The following TRPM3 variants were observed in gnomAD, a reference collection of about 807,000 sequenced individuals.
The protein encoded by TRPM3 is transient receptor potential cation channel subfamily M member 3.
Under a neutral mutation model 181.2 loss-of-function variants are expected in TRPM3, and 77 were observed. The observed-to-expected ratio is 0.42, with a 90% CI of 0.35 to 0.51. The LOEUF (loss-of-function observed/expected upper bound fraction) is 0.51, where lower values mean the gene tolerates loss of function less well. Ranked by LOEUF, TRPM3 falls within the 20% of genes least tolerant of loss-of-function variation. The pLI is 0.01. For synonymous variants in TRPM3, 745 were observed against 796.4 expected, an observed-to-expected ratio of 0.94 and a Z score of 1.09; for missense variants, 1,759 against 2,196.7, an observed-to-expected ratio of 0.80 and a Z score of 3.98.
At position 70,531,690 on chromosome 9, in the gene TRPM3, G is replaced by A. The variant is rs2040900046; in HGVS notation, c.*4263C>T. The A allele has an allele frequency of 6.6e-6, 1 of 152,126 alleles. No individual in the cohort carries two copies. Among genetic ancestry groups the A allele is most frequent in the Non-Finnish European group, 1.5e-5 (1 of 68,036 alleles). 9.4% of individuals were successfully genotyped at this position (152,126 alleles called of 1,614,324 possible). A position where few individuals can be genotyped will look rare whatever the true frequency, so the allele number is the denominator to read the frequency against. ...TGTACACTGCTTCTGCATGGGGTTG[G>A]CAGATGTAAACAGCTAATTCAACTG... On this transcript the variant is annotated 3_prime_UTR_variant, in exon 26 of 26. Transcript: ENST00000677713.
chr9:70,783,652 A>G (rs1422478381), intron 7 of TRPM3, among the ~76,000 whole-genome samples: 10 of 152,194 alleles, frequency 6.6e-5, no homozygotes, highest in Non-Finnish European at 8.8e-5. Flanking sequence ...GATCTACCAC[A>G]TATCTTCACA....
At chr9:71,072,207 A>G (rs2062857000) in intron 1 of TRPM3, among the ~76,000 whole-genome samples, 2 of 152,110 alleles carry the variant, frequency 1.3e-5, no homozygotes, top group South Asian at 4.1e-4. Context: ...CAAATTCTAC[A>G]TTTTTGAGAT....
At chr9:71,162,616 G>T (rs2076336546) in intron 1 of TRPM3, among the ~76,000 whole-genome samples, 1 of 152,042 alleles carries the variant, frequency 6.6e-6, no homozygotes, top group Non-Finnish European at 1.5e-5. Context: ...ATTGTTCAGA[G>T]AACTTATTTG....
In TRPM3 at chr9:70,862,950, C is replaced by T. The variant is rs779974864; in HGVS notation, c.420G>A (p.Gly140=). 6.2e-7 allele frequency: 1 copy of T among 1,613,586 alleles called. No homozygotes were observed. Among genetic ancestry groups the T allele is most frequent in the Non-Finnish European group, 8.5e-7 (1 of 1,179,674 alleles). The change falls in exon 3 of 26, where the codon GGG becomes GGA. Residue 140 remains glycine (G), a synonymous_variant. Transcript: ENST00000677713. ...HTQLSPTDAF[G]TIEFQGGGHS... ...GGCCACCTCCTTGGAACTCAATGGT[C>T]CCAAAAGCATCCGTAGGGCTGAGTT...
At chr9:71,090,427 T>G (rs1210012054) in intron 1 of TRPM3, among the ~76,000 whole-genome samples, 1 of 152,148 alleles carries the variant, frequency 6.6e-6, no homozygotes, top group East Asian at 1.9e-4. Flanking sequence ...CAGATGAAGT[T>G]GTTATGTCCC....
intron 1 of TRPM3, among the ~76,000 whole-genome samples, chr9:70,871,238 G>C (rs887453165): frequency 2.0e-5 from 3 of 151,822 alleles, no homozygotes; most frequent in African/African-American, 7.3e-5. Context: ...TAAATAAATT[G>C]ATTGTAGATA....
intron 1 of TRPM3, among the ~76,000 whole-genome samples, chr9:70,939,337 C>G (rs117758922): frequency 0.026 from 3,987 of 152,214 alleles, 95 homozygotes; most frequent in Non-Finnish European, 0.042. Context: ...CCCGACAGTC[C>G]CTGAAACTTC....
chr9:71,157,518 A>C (rs1332125864), intron 1 of TRPM3, among the ~76,000 whole-genome samples: 1 of 152,132 alleles, frequency 6.6e-6, no homozygotes, highest in Non-Finnish European at 1.5e-5. Flanking sequence ...GGACGAGATT[A>C]AGCCAATGGC....
At chr9:71,025,760 AAG>A (rs978981635) in intron 1 of TRPM3, among the ~76,000 whole-genome samples, 39 of 152,150 alleles carry the variant, frequency 2.6e-4, no homozygotes, top group African/African-American at 4.8e-5. Context: ...CCCTGTTCCT[AAG>A]AGCCTGCTCC....
At chr9:70,686,650 CCCTTCCTGCCTT>C (rs1454903628) in intron 8 of TRPM3, among the ~76,000 whole-genome samples, 1 of 110,498 alleles carries the variant, frequency 9.0e-6, no homozygotes, top group Non-Finnish European at 1.8e-5. Context: ...CTCCCTCTCT[CCCTTCCTGCCTT>C]CCTTCCTGGA....
chr9:71,028,298 A>G (rs1332427986), intron 1 of TRPM3, among the ~76,000 whole-genome samples: 2 of 152,220 alleles, frequency 1.3e-5, no homozygotes, highest in Non-Finnish European at 2.9e-5. Context: ...GACTTGCCGT[A>G]TAAGAGCCCC....
At chr9:70,916,906 T>C (rs1362155345) in intron 1 of TRPM3, 3 of 846,626 alleles carry the variant, frequency 3.5e-6, no homozygotes, top group African/African-American at 3.4e-5. Context: ...GGGAGGCAAG[T>C]GGTTCACTTC....
At chr9:70,662,134 C>T (rs1457348869) in intron 9 of TRPM3, among the ~76,000 whole-genome samples, 2 of 152,096 alleles carry the variant, frequency 1.3e-5, no homozygotes, top group Admixed American at 1.3e-4. Flanking sequence ...TTGGAGCCAA[C>T]TGATCTTTGA....
chr9:70,944,205 G>A (rs2096911835), intron 1 of TRPM3, among the ~76,000 whole-genome samples: 1 of 152,200 alleles, frequency 6.6e-6, no homozygotes, highest in Non-Finnish European at 1.5e-5. Flanking sequence ...GCTGGAGGTG[G>A]ATGAATGAAA....
intron 1 of TRPM3, among the ~76,000 whole-genome samples, chr9:71,154,905 T>A (rs1267129224): frequency 6.6e-6 from 1 of 152,118 alleles, no homozygotes; most frequent in Non-Finnish European, 1.5e-5. Flanking sequence ...CAGAAATACA[T>A]CTGGTATTAC....
At chr9:71,114,478 C>T (rs1478865907) in intron 1 of TRPM3, among the ~76,000 whole-genome samples, 9 of 152,096 alleles carry the variant, frequency 5.9e-5, no homozygotes, top group Non-Finnish European at 1.3e-4. Context: ...TAATATTAAG[C>T]AGCATTTAAA....
At chr9:70,689,498 C>T (rs1035660497) in intron 8 of TRPM3, among the ~76,000 whole-genome samples, 2 of 140,968 alleles carry the variant, frequency 1.4e-5, no homozygotes, top group African/African-American at 5.4e-5. Flanking sequence ...GCAACAACTA[C>T]AGTAACCATC....
Position 71,394,559 on chromosome 9 carries a change from G to A in TRPM3, c.183+52094C>T, listed in dbSNP as rs796883805. Among the ~76,000 whole-genome samples, 11 of 152,246 alleles carry A rather than the reference G, an allele frequency of 7.2e-5. 1 individual carries two copies. Among genetic ancestry groups the A allele is most frequent in the African/African-American group, 2.6e-4 (11 of 41,546 alleles). On this transcript the variant is annotated intron_variant, in intron 1 of 24. Coordinates refer to the TRPM3 transcript ENST00000357533. ...TTTCCCTGCACAGGCATATAAGTCA[G>A]CCAAAAATGACCCATTCCCAGATTT...
At chr9:71,235,564 T>A (rs1004438513) in intron 1 of TRPM3, among the ~76,000 whole-genome samples, 4 of 152,214 alleles carry the variant, frequency 2.6e-5, no homozygotes, top group African/African-American at 9.7e-5. Flanking sequence ...ACAATTAAGA[T>A]AGTGTCTATG....
Sources: gnomAD v4.1 joint callset for allele counts (sites outside exome capture counted in the v4.1 genomes callset) on GRCh38, gnomAD v4.1.1 for gene constraint, MANE v1.5 for transcripts, NCBI Gene and HGNC (gene_info 2026-07-23, HGNC 2026-07-21) for gene names.